Variants in ZBTB16 observed in about 807,000 individuals in gnomAD.
The protein encoded by ZBTB16 is zinc finger and BTB domain containing 16.
In ZBTB16, 8 loss-of-function variants were observed where a neutral mutation model predicts 56.8. The ratio of observed to expected loss-of-function variants is 0.14; its 90% CI spans 0.08 to 0.25. The LOEUF (loss-of-function observed/expected upper bound fraction) is 0.25. Among genes scored for constraint, ZBTB16 ranks in the 10% least tolerant of loss-of-function variants. The probability of loss-of-function intolerance (pLI) is 1.00; values close to 1 mark genes in which losing one functional copy is unlikely to be tolerated. For synonymous variants in ZBTB16, 363 were observed against 368.5 expected (o/e 0.98, Z 0.17); for missense variants, 625 against 903.0 (o/e 0.69, Z 3.95).
chr11:114,123,007 A>C (rs1315465415), intron 2 of ZBTB16, among the ~76,000 whole-genome samples: 1 of 152,090 alleles, frequency 6.6e-6, no homozygotes, highest in Non-Finnish European at 1.5e-5. Context: ...GTGTCTGGGG[A>C]GGGCTCTTTT....
intron 2 of ZBTB16, among the ~76,000 whole-genome samples, chr11:114,087,322 T>G (rs1264375975): frequency 6.6e-6 from 1 of 152,234 alleles, no homozygotes; most frequent in East Asian, 1.9e-4. Flanking sequence ...GATCTCTACC[T>G]CTAGTTGTTT....
Position 114,116,674 on chromosome 11 carries a change from C to T in ZBTB16, c.1269-39663C>T, listed in dbSNP as rs563209479. Reference sequence around the variant, plus strand: ...AGTAATGGTGAGGCGTAATGCGTTCCTAGCTCTTAATTTGGGGTTAGAACT... The same window carrying T: ...AGTAATGGTGAGGCGTAATGCGTTCTTAGCTCTTAATTTGGGGTTAGAACT... On this transcript the variant is annotated intron_variant, in intron 2 of 6. Coordinates refer to ENST00000335953, the MANE Select transcript of ZBTB16 (RefSeq NM_006006.6). Among the ~76,000 whole-genome samples, 12 of 152,268 alleles carry T rather than the reference C, an allele frequency of 7.9e-5. No individual in the cohort carries two copies. The South Asian group carries it at 2.3e-3, about 29-fold the overall frequency.
rs1263096669 is a variant in ZBTB16 at position 114,167,239 on chromosome 11, T to G, written c.1366+10805T>G. ...TGGTTTTTTTTTTTTTTGGTTTTTT[T>G]TTTTTTTTTTTTTTGACAAGCTTGG... On this transcript the variant is annotated intron_variant, in intron 3 of 6. Coordinates refer to ENST00000335953, the MANE Select transcript of ZBTB16 (RefSeq NM_006006.6). Among the ~76,000 whole-genome samples the G allele has an allele frequency of 7.9e-4, 108 of 136,554 alleles. 2 individuals carry two copies. The highest frequency in any genetic ancestry group is 2.0e-3 in the African/African-American group (74 of 37,080). The allele number at this position is 136,554 out of a possible 152,430, so 89.6% of individuals were successfully genotyped here. A position where few individuals can be genotyped will look rare whatever the true frequency, so the allele number is the denominator to read the frequency against.
At chr11:114,156,512 G>C (rs971503724) in intron 3 of ZBTB16, 78 bp downstream of exon 3, 22 of 1,368,506 alleles carry the variant, frequency 1.6e-5, no homozygotes, top group Non-Finnish European at 2.3e-5. Flanking sequence ...CTCAGAGCCT[G>C]CTGTGGCCTG....
At chr11:114,218,942 C>T (rs1443206844) in intron 4 of ZBTB16, among the ~76,000 whole-genome samples, 2 of 152,150 alleles carry the variant, frequency 1.3e-5, no homozygotes, top group Non-Finnish European at 2.9e-5. Flanking sequence ...GCTAATCGTC[C>T]GCTTGAGTTT....
rs552856108 is a variant in ZBTB16, at chr11:114,183,789, C to T, written c.1367-3163C>T. Among the ~76,000 whole-genome samples, 42 of 152,356 alleles carry T rather than the reference C, an allele frequency of 2.8e-4. No individual in the cohort carries two copies. The East Asian group carries it at 7.1e-3, about 26-fold the overall frequency. On this transcript the variant is annotated intron_variant, in intron 3 of 6. Transcript: ENST00000335953. Reference sequence around the variant, plus strand: ...CAGCCGCAGCTTTCCCATCCAGGCCCACTCTGCTCTTGGAGGTGCTTTCTG... The same window carrying T: ...CAGCCGCAGCTTTCCCATCCAGGCCTACTCTGCTCTTGGAGGTGCTTTCTG...
At chr11:114,247,862 C>T (rs569192618) in intron 6 of ZBTB16, among the ~76,000 whole-genome samples, 2 of 151,680 alleles carry the variant, frequency 1.3e-5, no homozygotes, top group East Asian at 3.9e-4. Flanking sequence ...TTAATAATCC[C>T]TATATGCATA....
chr11:114,102,672 C>G (rs73000959), intron 2 of ZBTB16, among the ~76,000 whole-genome samples: 1 of 151,730 alleles, frequency 6.6e-6, no homozygotes, highest in Non-Finnish European at 1.5e-5. Flanking sequence ...TGCTGATAGC[C>G]CAGGCGTTGG....
At chr11:114,173,407 G>A (rs1199432056) in intron 3 of ZBTB16, among the ~76,000 whole-genome samples, 1 of 152,176 alleles carries the variant, frequency 6.6e-6, no homozygotes, top group Non-Finnish European at 1.5e-5. Flanking sequence ...GATGGTGGGT[G>A]TTGTGACGGG....
chr11:114,147,045 G>A (rs762310815), intron 2 of ZBTB16, among the ~76,000 whole-genome samples: 3 of 152,262 alleles, frequency 2.0e-5, no homozygotes, highest in Non-Finnish European at 4.4e-5. Flanking sequence ...CTTATCTTGT[G>A]TTCATAATTG....
chr11:114,091,193 T>C (rs1565619817), intron 2 of ZBTB16, among the ~76,000 whole-genome samples: 1 of 152,018 alleles, frequency 6.6e-6, no homozygotes, highest in Non-Finnish European at 1.5e-5. Context: ...TAAAAAAATA[T>C]AAAAATTAAC....
At chr11:114,179,280 T>TAGAGAGAGAGAGAG (rs113097570) in intron 3 of ZBTB16, among the ~76,000 whole-genome samples, 2 of 149,714 alleles carry the variant, frequency 1.3e-5, no homozygotes, top group African/African-American at 2.5e-5. Flanking sequence ...GAGAGAGAGC[T>TAGAGAGAGAGAGAG]AGAGAGAGAG....
chr11:114,235,668 T>TTC (rs1342515205), intron 4 of ZBTB16, among the ~76,000 whole-genome samples: 2 of 23,808 alleles, frequency 8.4e-5, no homozygotes, highest in African/African-American at 2.2e-4. Context: ...CTTTCTTTCT[T>TTC]TCTTTCTTTC....
chr11:114,231,503 A>T (rs1251216938), intron 4 of ZBTB16, among the ~76,000 whole-genome samples: 1 of 152,114 alleles, frequency 6.6e-6, no homozygotes, highest in Non-Finnish European at 1.5e-5. Flanking sequence ...CAGTTCTAGG[A>T]GGTCTTAAGC....
intron 3 of ZBTB16, among the ~76,000 whole-genome samples, chr11:114,157,535 CG>C (rs990950005): frequency 6.6e-6 from 1 of 152,140 alleles, no homozygotes; most frequent in Non-Finnish European, 1.5e-5. Context: ...CCTGTTGCCC[CG>C]GGGGGCGTGT....
At chr11:114,153,752 A>G (rs1192799891) in intron 2 of ZBTB16, among the ~76,000 whole-genome samples, 1 of 152,228 alleles carries the variant, frequency 6.6e-6, no homozygotes, top group Non-Finnish European at 1.5e-5. Context: ...TTAGAGGACC[A>G]CCTGGTAGGC....
chr11:114,200,176 C>G (rs1943705322), intron 4 of ZBTB16, among the ~76,000 whole-genome samples: 1 of 151,984 alleles, frequency 6.6e-6, no homozygotes, highest in Non-Finnish European at 1.5e-5. Flanking sequence ...ATGTGAAGCC[C>G]TGAGCCCTGG....
chr11:114,255,010 TATC>T lies in ZBTB16; in HGVS notation c.*4458_*4460del, dbSNP rs1416562414. ...GACAGGGTACCAGCCTCCTGGTGTGTATCATAGGATTTGTTCACATAGTGTTAT... is the reference window on the plus strand; with the variant it reads ...GACAGGGTACCAGCCTCCTGGTGTGTATAGGATTTGTTCACATAGTGTTAT... On this transcript the variant is annotated 3_prime_UTR_variant, in exon 7 of 7. Coordinates refer to ENST00000335953, the MANE Select transcript of ZBTB16 (RefSeq NM_006006.6). Among the ~76,000 whole-genome samples, 1 of 152,218 alleles carries T rather than the reference TATC, an allele frequency of 6.6e-6. No individual in the cohort carries two copies. The highest frequency in any genetic ancestry group is 1.5e-5 in the Non-Finnish European group (1 of 68,032).
At chr11:114,219,870 G>T (rs889877963) in intron 4 of ZBTB16, among the ~76,000 whole-genome samples, 4 of 152,088 alleles carry the variant, frequency 2.6e-5, no homozygotes, top group Non-Finnish European at 5.9e-5. Flanking sequence ...GAAAGCCTGG[G>T]GTGAACACTG....
Sources: allele counts gnomAD v4.1 joint callset (sites outside exome capture counted in the v4.1 genomes callset), GRCh38; gene constraint gnomAD v4.1.1; transcripts MANE v1.5; gene names NCBI Gene and HGNC (gene_info 2026-07-23, HGNC 2026-07-21).